Variants in TSPAN7 observed in about 807,000 individuals in gnomAD.
TSPAN7 encodes the protein tetraspanin 7.
Under a neutral mutation model 17.6 loss-of-function variants are expected in TSPAN7, and 1 was observed. The ratio of observed to expected loss-of-function variants is 0.06; its 90% CI spans 0.02 to 0.27. TSPAN7 has a LOEUF of 0.27. Ranked by LOEUF, TSPAN7 falls within the 10% of genes least tolerant of loss-of-function variation. The pLI is 1.00. For synonymous variants in TSPAN7, 78 were observed against 79.0 expected, an observed-to-expected ratio of 0.99 and a Z score of 0.07; for missense variants, 112 against 201.7, an observed-to-expected ratio of 0.56 and a Z score of 2.69.
chrX:38,580,850 G>C (rs1018013730), intron 1 of TSPAN7, among the ~76,000 whole-genome samples: 1 of 111,447 alleles, frequency 9.0e-6, no homozygotes, highest in Admixed American at 9.5e-5. Context: ...ACGATTCCAG[G>C]AGTACAGTTC....
chrX:38,660,752 G>T (rs922011215), intron 1 of TSPAN7, among the ~76,000 whole-genome samples: 3 of 112,035 alleles, frequency 2.7e-5, no homozygotes, highest in African/African-American at 9.7e-5. Context: ...TAGATACAGT[G>T]CTTTCTATTC....
intron 1 of TSPAN7, among the ~76,000 whole-genome samples, chrX:38,606,415 G>A (rs1343817787): frequency 1.8e-5 from 2 of 111,556 alleles, no homozygotes; most frequent in Non-Finnish European, 3.8e-5. Flanking sequence ...CAACTTGGGG[G>A]GTGAAAGAGT....
chrX:38,671,129 G>A (rs1026282714), intron 2 of TSPAN7, among the ~76,000 whole-genome samples: 2 of 112,105 alleles, frequency 1.8e-5, no homozygotes, highest in Non-Finnish European at 3.8e-5. Context: ...TAGGCACAAT[G>A]CCAGTCTCTC....
chrX:38,595,905 A>G (rs2036110630), intron 1 of TSPAN7, among the ~76,000 whole-genome samples: 1 of 111,336 alleles, frequency 9.0e-6, no homozygotes. Context: ...TTATTTTTGT[A>G]GCTCTACAAA....
chrX:38,580,315 T>C (rs977312977), intron 1 of TSPAN7, among the ~76,000 whole-genome samples: 1 of 112,279 alleles, frequency 8.9e-6, no homozygotes, highest in African/African-American at 3.2e-5. Context: ...TGTAGCCTAT[T>C]GAACATTAAA....
intron 1 of TSPAN7, among the ~76,000 whole-genome samples, chrX:38,606,444 A>G (rs1476791369): frequency 8.9e-6 from 1 of 112,036 alleles, no homozygotes; most frequent in Non-Finnish European, 1.9e-5. Flanking sequence ...GTAAAAGATA[A>G]TAAAAACAAG....
chrX:38,562,672 A>G (rs1395279081), intron 1 of TSPAN7, among the ~76,000 whole-genome samples: 1 of 111,210 alleles, frequency 9.0e-6, no homozygotes, highest in Non-Finnish European at 1.9e-5. Context: ...GCAGTGATTC[A>G]CTGAGAGAGG....
At chrX:38,683,350 C>T (rs2069904361) in intron 6 of TSPAN7, among the ~76,000 whole-genome samples, 1 of 112,913 alleles carries the variant, frequency 8.9e-6, no homozygotes, top group Non-Finnish European at 1.9e-5. Flanking sequence ...TGATTAATCT[C>T]TCTGTGCTAC....
intron 1 of TSPAN7, among the ~76,000 whole-genome samples, chrX:38,641,116 C>G (rs1297258655): frequency 1.8e-5 from 2 of 111,447 alleles, no homozygotes; most frequent in Non-Finnish European, 3.8e-5. Context: ...TGTGTAGAAT[C>G]TTGGCCTTGG....
chrX:38,682,930 C>T (rs1402788568), intron 6 of TSPAN7, among the ~76,000 whole-genome samples: 2 of 112,123 alleles, frequency 1.8e-5, no homozygotes, highest in African/African-American at 6.5e-5. Flanking sequence ...ATCCTGTTTA[C>T]TTAACATATG....
chrX:38,618,757 T>C (rs1376017019), intron 1 of TSPAN7, among the ~76,000 whole-genome samples: 1 of 111,586 alleles, frequency 9.0e-6, no homozygotes, highest in Non-Finnish European at 1.9e-5. Context: ...TGTGAGATGC[T>C]GTGTTAGGTC....
chrX:38,661,834 T>A (rs867962152), intron 1 of TSPAN7, among the ~76,000 whole-genome samples: 6 of 105,380 alleles, frequency 5.7e-5, no homozygotes, highest in Non-Finnish European at 7.8e-5. Context: ...AGAGATGTTT[T>A]AAAAAAAAAA....
chrX:38,607,099 G>C (rs770425899), intron 1 of TSPAN7, among the ~76,000 whole-genome samples: 1 of 111,600 alleles, frequency 9.0e-6, no homozygotes, highest in Admixed American at 9.5e-5. Flanking sequence ...TCTGCGCTTA[G>C]CTTGTTAGAT....
At chrX:38,631,461 A>G (rs767208935) in intron 1 of TSPAN7, among the ~76,000 whole-genome samples, 10 of 111,931 alleles carry the variant, frequency 8.9e-5, no homozygotes, top group Non-Finnish European at 1.9e-4. Context: ...GAACAAAAAG[A>G]GGAGTTGTCT....
chrX:38,671,540 G>A (rs1192191081), intron 3 of TSPAN7, 90 bp downstream of exon 3: 2 of 889,838 alleles, frequency 2.2e-6, no homozygotes, highest in Non-Finnish European at 3.3e-6. Flanking sequence ...GGTGCATATA[G>A]GCTAGCTGTT....
intron 6 of TSPAN7, among the ~76,000 whole-genome samples, chrX:38,685,016 C>T (rs2069918041): frequency 9.0e-6 from 1 of 111,702 alleles, no homozygotes; most frequent in African/African-American, 3.3e-5. Flanking sequence ...AAAACACAGA[C>T]CCTATTACTA....
intron 1 of TSPAN7, among the ~76,000 whole-genome samples, chrX:38,596,190 A>G (rs1428412644): frequency 9.0e-6 from 1 of 111,457 alleles, no homozygotes; most frequent in Non-Finnish European, 1.9e-5. Flanking sequence ...AAAATGGACA[A>G]GTGGTACTTT....
chrX:38,615,554 G>T lies in TSPAN7; in HGVS notation c.82-50567G>T, dbSNP rs748191509. Among the ~76,000 whole-genome samples the T allele has an allele frequency of 4.5e-5, 5 of 110,288 alleles. No individual in the cohort carries two copies. The South Asian group carries it at 1.6e-3, about 34-fold the overall frequency. On this transcript the variant is annotated intron_variant, in intron 1 of 7. Coordinates refer to ENST00000378482, the MANE Select transcript of TSPAN7 (RefSeq NM_004615.4). ...CTTTTAATGTCCTCTCCAGTTTTTT[G>T]TTTTTTGTTTTTAAAAGAACATTAC...
chrX:38,622,641 G>A (rs954034711), intron 1 of TSPAN7, among the ~76,000 whole-genome samples: 3 of 112,523 alleles, frequency 2.7e-5, no homozygotes, highest in African/African-American at 9.7e-5. Flanking sequence ...CATTAGATCA[G>A]AATTGGGTCC....
Sources: gnomAD v4.1 joint callset for allele counts (sites outside exome capture counted in the v4.1 genomes callset) on GRCh38, gnomAD v4.1.1 for gene constraint, MANE v1.5 for transcripts, NCBI Gene and HGNC (gene_info 2026-07-23, HGNC 2026-07-21) for gene names.